Variants in TNS3 observed in about 807,000 individuals in gnomAD.
TNS3 encodes tensin 3.
TNS3 carries 45 observed loss-of-function variants against 140.9 expected under a neutral mutation model. The ratio of observed to expected loss-of-function variants is 0.32; its 90% CI spans 0.25 to 0.41. The LOEUF is 0.41. TNS3 is among the 10% of genes least tolerant of loss of function. TNS3 has a pLI of 1.00. For synonymous variants in TNS3, 815 were observed against 788.4 expected, an observed-to-expected ratio of 1.03 and a Z score of -0.56; for missense variants, 1,716 against 1,906.7, an observed-to-expected ratio of 0.90 and a Z score of 1.86.
chr7:47,322,859 C>T (rs1787826006), intron 20 of TNS3, among the ~76,000 whole-genome samples: 1 of 152,150 alleles, frequency 6.6e-6, no homozygotes, highest in Non-Finnish European at 1.5e-5. Flanking sequence ...CGGAGGCCCT[C>T]GGTGGCCACG....
chr7:47,337,826 GC>G (rs1788719403), intron 20 of TNS3, among the ~76,000 whole-genome samples: 1 of 152,176 alleles, frequency 6.6e-6, no homozygotes, highest in African/African-American at 2.4e-5. Context: ...CCACTCTTCT[GC>G]CAATCTCCTG....
intron 20 of TNS3, among the ~76,000 whole-genome samples, chr7:47,341,451 G>A (rs372879929): frequency 5.9e-5 from 9 of 152,286 alleles, no homozygotes; most frequent in African/African-American, 2.2e-4. Flanking sequence ...TATTGGGTGA[G>A]TTGTGACAGT....
At chr7:47,495,190 C>CAAAAAAAAAAAA (rs11353260) in intron 3 of TNS3, among the ~76,000 whole-genome samples, 1 of 79,682 alleles carries the variant, frequency 1.3e-5, no homozygotes, top group Non-Finnish European at 2.6e-5. Flanking sequence ...GACTCCGTCT[C>CAAAAAAAAAAAA]AAAAAAAAAA....
At chr7:47,389,881 G>A (rs549417359) in intron 16 of TNS3, among the ~76,000 whole-genome samples, 7 of 152,228 alleles carry the variant, frequency 4.6e-5, no homozygotes, top group Non-Finnish European at 5.9e-5. Context: ...AGGACTACCC[G>A]CCCATCTGGC....
chr7:47,394,668 C>G (rs567971793), intron 16 of TNS3, among the ~76,000 whole-genome samples: 1 of 152,328 alleles, frequency 6.6e-6, no homozygotes, highest in East Asian at 1.9e-4. Flanking sequence ...TGGATCTATA[C>G]ACACACGCTC....
In TNS3 at chr7:47,303,450, G is replaced by A; in HGVS notation, c.2957C>T (p.Ser986Phe). The change falls in exon 22 of 31, where the codon TCC becomes TTC. Residue 986 changes from serine (S) to phenylalanine (F), a missense_variant. Physicochemically the swap from Ser to Phe is radical, Grantham distance 155. Around this residue, in one of 3 missense-constraint regions of TNS3, gnomAD observed 1,163 missense variants for 1,182.1 expected, o/e 0.98. Transcript: ENST00000311160. ...SGTRKDSPVL[S>F]CFPPSELQAP... ...CTGGAGCTCTGACGGCGGGAAGCAG[G>A]ACAGCACTGGGGAGTCCTTCCTGGT... The A allele has an allele frequency of 6.2e-7, 1 of 1,612,854 alleles. No homozygotes were observed. The highest frequency in any genetic ancestry group is 8.5e-7 in the Non-Finnish European group (1 of 1,180,006).
chr7:47,559,222 C>T (rs559853559), intron 1 of TNS3, among the ~76,000 whole-genome samples: 13 of 152,056 alleles, frequency 8.5e-5, no homozygotes, highest in Non-Finnish European at 1.6e-4. Flanking sequence ...TGGTGACGCG[C>T]GCCTGTAGTC....
intron 10 of TNS3, among the ~76,000 whole-genome samples, chr7:47,415,548 A>C (rs997644689): frequency 6.6e-6 from 1 of 152,238 alleles, no homozygotes; most frequent in Non-Finnish European, 1.5e-5. Context: ...AGCAGCAGGA[A>C]GCAGAGGCCT....
intron 4 of TNS3, among the ~76,000 whole-genome samples, chr7:47,478,411 T>TACAC (rs10531755): frequency 6.3e-4 from 94 of 148,978 alleles, no homozygotes; most frequent in African/African-American, 2.1e-3. Context: ...CTCAGGGAAA[T>TACAC]ACACACACAC....
chr7:47,479,599 G>A (rs1445826834), intron 4 of TNS3, among the ~76,000 whole-genome samples: 2 of 152,092 alleles, frequency 1.3e-5, no homozygotes, highest in Non-Finnish European at 2.9e-5. Context: ...CGCCCCGGAC[G>A]GCCTCAGCTC....
At position 47,344,704 on chromosome 7, in the gene TNS3, G is replaced by A. The variant is rs377201120; in HGVS notation, c.2650+51C>T. ...TTCTCTGTAAAAATGGCGACCCCGC[G>A]ATGCAGCGCCTGAGTGCCGCGCGCC... On this transcript the variant is annotated intron_variant, in intron 20 of 30. Coordinates refer to ENST00000311160, the MANE Select transcript of TNS3 (RefSeq NM_022748.12). 2.1e-4 allele frequency: 324 copies of A among 1,541,742 alleles called. No individual in the cohort carries two copies. In the South Asian group the frequency reaches 3.0e-3, roughly 14 times the overall value.
At chr7:47,574,192 C>A (rs575034448) in intron 1 of TNS3, among the ~76,000 whole-genome samples, 1 of 152,216 alleles carries the variant, frequency 6.6e-6, no homozygotes, top group East Asian at 1.9e-4. Context: ...TCTCCAGAAA[C>A]AAAATCAGAC....
chr7:47,319,002 T>C (rs186328612), intron 20 of TNS3, among the ~76,000 whole-genome samples: 3 of 152,302 alleles, frequency 2.0e-5, no homozygotes, highest in African/African-American at 7.2e-5. Context: ...GGGACACAGA[T>C]GACATGTGCT....
chr7:47,509,523 GA>G (rs1798534002), intron 2 of TNS3, among the ~76,000 whole-genome samples: 1 of 152,118 alleles, frequency 6.6e-6, no homozygotes, highest in Admixed American at 6.5e-5. Context: ...CTGTAAGGGT[GA>G]CTCAGCCAAG....
rs141095001 is a variant in TNS3 at position 47,318,157 on chromosome 7, C to T, written c.2651-13154G>A. Among the ~76,000 whole-genome samples, 4 of 152,328 alleles carry T rather than the reference C, an allele frequency of 2.6e-5. No homozygotes were observed. The East Asian group carries it at 7.7e-4, about 29-fold the overall frequency. On this transcript the variant is annotated intron_variant, in intron 20 of 30. Transcript: ENST00000311160. ...TGTATGAATTCAATGACTCTAGGGA[C>T]CTCATGTAAGTGGAATCATACAGAA...
chr7:47,353,993 AC>A (rs1252529290), intron 17 of TNS3, among the ~76,000 whole-genome samples: 13 of 1,558 alleles, frequency 8.3e-3, no homozygotes, highest in African/African-American at 0.019. Context: ...AGAGGACAAA[AC>A]ACACACACAC....
intron 17 of TNS3, among the ~76,000 whole-genome samples, chr7:47,366,674 G>T (rs1052296508): frequency 3.9e-5 from 6 of 152,260 alleles, no homozygotes; most frequent in African/African-American, 1.4e-4. Context: ...AGAGGATGGA[G>T]ACACTGAGTC....
chr7:47,360,936 C>T (rs979399138), intron 17 of TNS3, among the ~76,000 whole-genome samples: 6 of 152,024 alleles, frequency 3.9e-5, no homozygotes, highest in Admixed American at 3.9e-4. Context: ...GGATCTGAAA[C>T]CCCCATACCC....
intron 13 of TNS3, among the ~76,000 whole-genome samples, chr7:47,410,882 A>G (rs1233667011): frequency 6.6e-6 from 1 of 152,214 alleles, no homozygotes; most frequent in African/African-American, 2.4e-5. Flanking sequence ...TTTTAAATGT[A>G]TGAATTGTTT....
Sources: gnomAD v4.1 joint callset for allele counts (sites outside exome capture counted in the v4.1 genomes callset) on GRCh38, gnomAD v4.1.1 for gene constraint, gnomAD v4.1.1 regional missense constraint, MANE v1.5 for transcripts, NCBI Gene and HGNC (gene_info 2026-07-23, HGNC 2026-07-21) for gene names.